Variants in KCNN2 observed in about 807,000 individuals in gnomAD.
KCNN2 encodes the protein potassium calcium-activated channel subfamily N member 2, also known as small conductance calcium-activated potassium channel protein 2.
In KCNN2, 24 loss-of-function variants were observed where a neutral mutation model predicts 55.5. The observed-to-expected ratio is 0.43, with a 90% CI of 0.31 to 0.61. The LOEUF (loss-of-function observed/expected upper bound fraction) is 0.61, where lower values mean the gene tolerates loss of function less well. Among genes scored for constraint, KCNN2 ranks in the 20% least tolerant of loss-of-function variants. KCNN2 has a pLI of 0.08. For missense variants in KCNN2, 754 were observed against 853.6 expected (o/e 0.88, Z 1.45); for synonymous variants, 431 against 336.1 (o/e 1.28, Z -3.09).
At chr5:114,445,130 G>A (rs1024993865) in intron 3 of KCNN2, among the ~76,000 whole-genome samples, 4 of 152,104 alleles carry the variant, frequency 2.6e-5, no homozygotes, top group African/African-American at 9.7e-5. Flanking sequence ...AATGTGGGGT[G>A]CAAAGAGAAA....
At chr5:114,292,171 G>T (rs1427198679) in intron 2 of KCNN2, among the ~76,000 whole-genome samples, 1 of 151,984 alleles carries the variant, frequency 6.6e-6, no homozygotes, top group African/African-American at 2.4e-5. Context: ...AGTTTCTTTT[G>T]CTGTGCAGAA....
Position 114,363,903 on chromosome 5 carries a change from C to T in KCNN2, c.1123-3C>T. ...AAAGTGCTTCTGTCTGACTGTGTTG[C>T]AGGCGTCGCTGTATTCCTTAGCTCT... On this transcript the variant is annotated splice_polypyrimidine_tract_variant and splice_region_variant and intron_variant, in intron 1 of 7. Transcript: ENST00000673685. The T allele has an allele frequency of 1.2e-6, 2 of 1,611,262 alleles. No individual in the cohort carries two copies.
At chr5:114,146,596 G>T (rs543213661) in intron 1 of KCNN2, among the ~76,000 whole-genome samples, 7 of 152,172 alleles carry the variant, frequency 4.6e-5, no homozygotes, top group Non-Finnish European at 1.0e-4. Flanking sequence ...TTTTCCAAAA[G>T]AAGGAACATG....
chr5:114,213,473 G>T (rs1313153123), intron 1 of KCNN2, among the ~76,000 whole-genome samples: 1 of 151,082 alleles, frequency 6.6e-6, no homozygotes, highest in East Asian at 1.9e-4. Flanking sequence ...TGTCAAGAAA[G>T]AGTTTATGAG....
chr5:114,431,943 A>G (rs1157218831), intron 3 of KCNN2, among the ~76,000 whole-genome samples: 3 of 152,214 alleles, frequency 2.0e-5, no homozygotes, highest in Non-Finnish European at 4.4e-5. Context: ...CTGAGAGCAC[A>G]TATTGTATGA....
chr5:114,139,529 C>T (rs957085306), intron 1 of KCNN2, among the ~76,000 whole-genome samples: 1 of 148,352 alleles, frequency 6.7e-6, no homozygotes, highest in African/African-American at 2.5e-5. Context: ...TAAAACACAG[C>T]CTCCAGAGGT....
At chr5:114,339,814 C>CAAATAAATAAATAAAT (rs373432627) in intron 2 of KCNN2, among the ~76,000 whole-genome samples, 9 of 147,164 alleles carry the variant, frequency 6.1e-5, no homozygotes, top group Non-Finnish European at 8.9e-5. Context: ...AACAAACAAA[C>CAAATAAATAAATAAAT]AAATAAATAA....
chr5:114,428,619 T>A (rs975225424), intron 3 of KCNN2, among the ~76,000 whole-genome samples: 6 of 152,152 alleles, frequency 3.9e-5, no homozygotes, highest in Non-Finnish European at 5.9e-5. Flanking sequence ...TGTAAAAATG[T>A]ATTTCTGTTT....
rs547135112 is a variant in KCNN2, at chr5:114,112,333, T to C, written c.-271+55833T>C. 2.3e-3 allele frequency among the ~76,000 whole-genome samples: 349 copies of C among 150,588 alleles called. 1 individual carries two copies. Among genetic ancestry groups the C allele is most frequent in the African/African-American group, 8.2e-3 (333 of 40,706 alleles). ...TCACAGACTGGGGCCTGTTTGGAGG[T>C]GGGGGGCTGGGGAAGGGATGGCATT... is the stretch of plus-strand genomic sequence containing the variant. On this transcript the variant is annotated intron_variant, in intron 1 of 10. Coordinates refer to the KCNN2 transcript ENST00000512097.
intron 1 of KCNN2, among the ~76,000 whole-genome samples, chr5:114,111,651 T>C (rs1751600465): frequency 6.6e-6 from 1 of 151,750 alleles, no homozygotes; most frequent in Admixed American, 6.6e-5. Flanking sequence ...AACAACCCCA[T>C]CAAAAAGTGG....
chr5:114,246,627 G>A (rs1298023375), intron 2 of KCNN2, among the ~76,000 whole-genome samples: 1 of 152,066 alleles, frequency 6.6e-6, no homozygotes, highest in East Asian at 1.9e-4. Flanking sequence ...CTTTATTTAA[G>A]GCCAACTAAA....
At chr5:114,453,463 TAC>T (rs1168597327) in intron 3 of KCNN2, among the ~76,000 whole-genome samples, 1 of 152,240 alleles carries the variant, frequency 6.6e-6, no homozygotes, top group Admixed American at 6.5e-5. Flanking sequence ...TTTAAAAATT[TAC>T]AGTCATCTGC....
intron 1 of KCNN2, among the ~76,000 whole-genome samples, chr5:114,202,444 C>G (rs1416678695): frequency 1.3e-5 from 2 of 150,730 alleles, no homozygotes; most frequent in African/African-American, 2.4e-5. Context: ...AGTTTTAACC[C>G]CAAAACACTG....
chr5:114,147,919 C>T (rs1752432783), intron 1 of KCNN2, among the ~76,000 whole-genome samples: 1 of 152,108 alleles, frequency 6.6e-6, no homozygotes, highest in Non-Finnish European at 1.5e-5. Context: ...TTGGCAACAG[C>T]TAATTTTAAA....
intron 1 of KCNN2, among the ~76,000 whole-genome samples, chr5:114,134,458 G>GATTGATTGATTGATTTATTT (rs1452509272): frequency 5.1e-5 from 7 of 137,364 alleles, no homozygotes; most frequent in African/African-American, 2.0e-4. Flanking sequence ...ATCCAACCAT[G>GATTGATTGATTGATTTATTT]ATTTATTTAT....
intron 2 of KCNN2, among the ~76,000 whole-genome samples, chr5:114,257,216 A>G (rs62382895): frequency 0.078 from 11,840 of 152,106 alleles, 554 homozygotes; most frequent in Middle Eastern, 0.11. Context: ...CCATTGAGCT[A>G]TGTGTCTACT....
chr5:114,063,012 T>C (rs553072330), intron 1 of KCNN2, among the ~76,000 whole-genome samples: 1 of 152,346 alleles, frequency 6.6e-6, no homozygotes, highest in Admixed American at 6.5e-5. Flanking sequence ...AAAGCTTGAT[T>C]TTCTGCTTAA....
intron 2 of KCNN2, among the ~76,000 whole-genome samples, chr5:114,246,863 A>G (rs1754757272): frequency 6.6e-6 from 1 of 152,050 alleles, no homozygotes; most frequent in Non-Finnish European, 1.5e-5. Flanking sequence ...ATAATTTAAT[A>G]TTTCTAAAAC....
Position 114,220,387 on chromosome 5 carries a change from T to C in KCNN2, c.-270-1093T>C, listed in dbSNP as rs192627336. On this transcript the variant is annotated intron_variant, in intron 1 of 10. Transcript: ENST00000512097. Reference sequence around the variant, plus strand: ...GTAGTGGGCAGGAGAGAGGAAAAAATCTAACCCAAGAAGATTAAAGCCAAA... The same window carrying C: ...GTAGTGGGCAGGAGAGAGGAAAAAACCTAACCCAAGAAGATTAAAGCCAAA... Among the ~76,000 whole-genome samples, 1,156 of 151,822 alleles carry C rather than the reference T, an allele frequency of 7.6e-3. 9 individuals carry two copies. The highest frequency in any genetic ancestry group is 0.013 in the Non-Finnish European group (863 of 67,918).
Sources: allele counts gnomAD v4.1 joint callset (sites outside exome capture counted in the v4.1 genomes callset), GRCh38; gene constraint gnomAD v4.1.1; transcripts MANE v1.5; gene names NCBI Gene and HGNC (gene_info 2026-07-23, HGNC 2026-07-21).